Variants in SIRPG observed in about 807,000 individuals in gnomAD.
SIRPG encodes signal-regulatory protein gamma.
In SIRPG, 38 loss-of-function variants were observed where a neutral mutation model predicts 35.7. That is an observed-to-expected ratio of 1.06 (90% CI 0.82 to 1.40). The LOEUF is 1.40. Ranked by LOEUF, SIRPG falls within the 40% of genes most tolerant of loss-of-function variation. The pLI, the probability that SIRPG is intolerant of heterozygous loss-of-function variation, is 0.00. For missense variants in SIRPG, 519 were observed against 483.0 expected, an observed-to-expected ratio of 1.07 and a Z score of -0.70; for synonymous variants, 215 against 190.4, an observed-to-expected ratio of 1.13 and a Z score of -1.06.
At chr20:1,639,992 G>C (rs750689596) in intron 2 of SIRPG, among the ~76,000 whole-genome samples, 4 of 152,106 alleles carry the variant, frequency 2.6e-5, no homozygotes, top group Non-Finnish European at 1.5e-5. Context: ...GTCTGTCTTG[G>C]TACAAGTACC....
chr20:1,643,166 T>A (rs928562988), intron 2 of SIRPG, among the ~76,000 whole-genome samples: 5 of 152,180 alleles, frequency 3.3e-5, no homozygotes, highest in African/African-American at 1.2e-4. Flanking sequence ...AAGTGTGTTT[T>A]CCAATTTGGT....
At chr20:1,635,662 A>G (rs2091792880) in intron 3 of SIRPG, 63 bp from the exon 4 acceptor site, 2 of 1,537,808 alleles carry the variant, frequency 1.3e-6, no homozygotes, top group Non-Finnish European at 1.8e-6. Context: ...GGAGGGCTCC[A>G]TAACTTAACT....
chr20:1,670,467 A>C, the SIRPG span, among the ~76,000 whole-genome samples: 1 of 152,212 alleles, frequency 6.6e-6, no homozygotes, highest in African/African-American at 2.4e-5. Flanking sequence ...TACTAGGCTA[A>C]GAATGAGTGA....
rs755036074 is a variant in SIRPG, at chr20:1,634,819, G to A, written c.1081+448C>T. 3.7e-3 allele frequency among the ~76,000 whole-genome samples: 560 copies of A among 151,928 alleles called. 11 individuals are homozygous for A. Among genetic ancestry groups the A allele is most frequent in the East Asian group, 0.017 (84 of 5,072 alleles). On this transcript the variant is annotated intron_variant, in intron 4 of 5. Transcript: ENST00000303415. ...AGCACTTTGGGAGGCTGAGGCGGGCGGATCACGAGGTCAGGAGATCGAGAC... is the reference window on the plus strand; with the variant it reads ...AGCACTTTGGGAGGCTGAGGCGGGCAGATCACGAGGTCAGGAGATCGAGAC...
the SIRPG span, among the ~76,000 whole-genome samples, chr20:1,682,894 G>A: frequency 4.3e-4 from 66 of 152,266 alleles, no homozygotes; most frequent in Middle Eastern, 3.4e-3. Flanking sequence ...TGCATTTCTC[G>A]TGGATATAGA....
At chr20:1,631,414 A>G (rs2091748982) in intron 4 of SIRPG, among the ~76,000 whole-genome samples, 1 of 152,102 alleles carries the variant, frequency 6.6e-6, no homozygotes, top group Admixed American at 6.5e-5. Context: ...TCAATTAAAA[A>G]ACACTACATG....
chr20:1,648,979 C>A, intron 2 of SIRPG, 73 bp downstream of exon 2: 1 of 1,336,878 alleles, frequency 7.5e-7, no homozygotes, highest in South Asian at 1.3e-5. Context: ...GATTGTTGCT[C>A]AAAGAATGGA....
Position 1,650,169 on chromosome 20 carries a change from T to A in SIRPG, c.74-761A>T, listed in dbSNP as rs183272696. On this transcript the variant is annotated intron_variant, in intron 1 of 5. Coordinates refer to ENST00000303415, the MANE Select transcript of SIRPG (RefSeq NM_018556.4). ...GCTGCCCACATTCCTTTCTCACTGT[T>A]ACATCTTCCTATCACTCTAATGTCT... Among the ~76,000 whole-genome samples, 742 of 151,728 alleles carry A rather than the reference T, an allele frequency of 4.9e-3. 2 individuals are homozygous for A. Among genetic ancestry groups the A allele is most frequent in the Non-Finnish European group, 8.1e-3 (551 of 67,948 alleles).
At chr20:1,630,433 C>T in intron 4 of SIRPG, 127 bp from the exon 5 acceptor site, 3 of 678,758 alleles carry the variant, frequency 4.4e-6, no homozygotes, top group East Asian at 2.9e-5. Flanking sequence ...TGCATCCTGC[C>T]CAGGCTATCT....
At chr20:1,659,155 C>T (rs538066166), upstream of SIRPG, among the ~76,000 whole-genome samples, 6 of 152,328 alleles carry the variant, frequency 3.9e-5, no homozygotes, top group East Asian at 5.8e-4. Context: ...GAAGAGTCCA[C>T]TGGTTCTCTG....
chr20:1,675,404 G>C, the SIRPG span, among the ~76,000 whole-genome samples: 4 of 152,330 alleles, frequency 2.6e-5, no homozygotes, highest in African/African-American at 9.6e-5. Context: ...TTTCTAAAGA[G>C]AGTGTAAAGC....
At chr20:1,651,641 G>T (rs148846813) in intron 1 of SIRPG, among the ~76,000 whole-genome samples, 1 of 151,996 alleles carries the variant, frequency 6.6e-6, no homozygotes, top group Non-Finnish European at 1.5e-5. Context: ...ATTCTAAACC[G>T]GGGTAGCAAA....
chr20:1,636,403 A>G lies in SIRPG; in HGVS notation c.533T>C (p.Ile178Thr), dbSNP rs775275224. 6.2e-7 allele frequency: 1 copy of G among 1,614,082 alleles called. No individual in the cohort carries two copies. Among genetic ancestry groups the G allele is most frequent in the African/African-American group, 1.3e-5 (1 of 74,930 alleles). The change falls in exon 3 of 6, where the codon ATC becomes ACC. Residue 178 changes from isoleucine to threonine, a missense_variant. By Grantham distance (89) the Ile-to-Thr change is moderately conservative. Coordinates refer to ENST00000303415, the MANE Select transcript of SIRPG (RefSeq NM_018556.4). The part of the protein sequence containing the change: ...CESHGFSPRD[I>T]TLKWFKNGNE... ...CCCATTTTTGAACCATTTCAGGGTG[A>G]TGTCTCTGGGAGAGAAGCCATGGGA...
At chr20:1,645,993 T>C (rs1451241626) in intron 2 of SIRPG, 1 of 152,212 alleles carries the variant, frequency 6.6e-6, no homozygotes, top group East Asian at 1.9e-4. Flanking sequence ...ATGTGCTAGG[T>C]GATTTACAGA....
In SIRPG at chr20:1,636,275, G is replaced by A. The variant is rs375274090; in HGVS notation, c.661C>T (p.Arg221Cys). 2.6e-5 allele frequency: 42 copies of A among 1,614,210 alleles called. No homozygotes were observed. Among genetic ancestry groups the A allele is most frequent in the African/African-American group, 1.6e-4 (12 of 75,048 alleles). ...GCCACCTCGCAGATGACCTGAGAGC[G>A]AACGTCCCAGGGGTCCAGTACCACC... ...ARVVLDPWDV[R>C]SQVICEVAHV... The change falls in exon 3 of 6, where the codon CGC (arginine) becomes TGC (cysteine). Residue 221 changes from arginine to cysteine, a missense_variant. Arg to Cys is a radical substitution (Grantham distance 180). Transcript: ENST00000303415.
intron 2 of SIRPG, among the ~76,000 whole-genome samples, chr20:1,645,035 C>A (rs370283229): frequency 1.3e-5 from 2 of 152,160 alleles, no homozygotes; most frequent in African/African-American, 4.8e-5. Context: ...GGCAGGGAGA[C>A]TTTTGGGGCT....
intron 1 of SIRPG, among the ~76,000 whole-genome samples, chr20:1,656,367 T>C (rs1015982096): frequency 1.3e-5 from 2 of 152,244 alleles, no homozygotes; most frequent in African/African-American, 4.8e-5. Context: ...ACAGGGATGC[T>C]GTGAGGATTA....
chr20:1,642,792 T>C (rs2091863979), intron 2 of SIRPG, among the ~76,000 whole-genome samples: 1 of 152,206 alleles, frequency 6.6e-6, no homozygotes, highest in Non-Finnish European at 1.5e-5. Context: ...AGCATTTGCT[T>C]GTTTGGAAAG....
At chr20:1,634,922 A>C (rs929286066) in intron 4 of SIRPG, among the ~76,000 whole-genome samples, 1 of 151,718 alleles carries the variant, frequency 6.6e-6, no homozygotes, top group Non-Finnish European at 1.5e-5. Flanking sequence ...GGGCGCCTGT[A>C]GTCCCAGCTA....
Sources: gnomAD v4.1 joint callset for allele counts (sites outside exome capture counted in the v4.1 genomes callset) on GRCh38, gnomAD v4.1.1 for gene constraint, MANE v1.5 for transcripts, NCBI Gene and HGNC (gene_info 2026-07-23, HGNC 2026-07-21) for gene names.